SMAD3: variants seen among roughly 807,000 people sequenced by gnomAD.
SMAD3 encodes SMAD family member 3.
A neutral mutation model predicts 51.8 loss-of-function variants in SMAD3; 12 were observed. The observed-to-expected ratio is 0.23, with a 90% CI of 0.15 to 0.38. The LOEUF (loss-of-function observed/expected upper bound fraction) is 0.38. SMAD3 is among the 10% of genes least tolerant of loss of function. SMAD3 has a pLI of 1.00. For missense variants in SMAD3, 294 were observed against 565.6 expected (o/e 0.52, Z 4.87); for synonymous variants, 238 against 227.7 (o/e 1.05, Z -0.41).
At chr15:67,120,276 G>T (rs775508386) in intron 1 of SMAD3, among the ~76,000 whole-genome samples, 1 of 152,210 alleles carries the variant, frequency 6.6e-6, no homozygotes, top group Non-Finnish European at 1.5e-5. Context: ...AACGTGATGT[G>T]GGGAACAGAG....
Position 67,165,146 on chromosome 15 carries a change from C to T in SMAD3, c.400+58C>T, listed in dbSNP as rs1410588564. The stretch of plus-strand genomic sequence containing the variant: ...GGTGCCAGGGGTCATCACCTCTCCC[C>T]GGCTCCCCATCCCCCCGAGGGTCTG... On this transcript the variant is annotated intron_variant, in intron 2 of 8. Coordinates refer to ENST00000327367, the MANE Select transcript of SMAD3 (RefSeq NM_005902.4). 9 of 1,610,736 alleles carry T rather than the reference C, an allele frequency of 5.6e-6. No homozygotes were observed. The Admixed American group carries it at 6.7e-5, about 12-fold the overall frequency.
intron 1 of SMAD3, among the ~76,000 whole-genome samples, chr15:67,084,167 C>T (rs996825579): frequency 5.5e-5 from 8 of 145,964 alleles, no homozygotes; most frequent in African/African-American, 1.5e-4. Flanking sequence ...GCTCTGCCTC[C>T]GGGGTTCATG....
intron 8 of SMAD3, among the ~76,000 whole-genome samples, chr15:67,188,634 C>T (rs1963285508): frequency 6.6e-6 from 1 of 152,274 alleles, no homozygotes; most frequent in Non-Finnish European, 1.5e-5. Flanking sequence ...CCGCCAGCTC[C>T]TGCGGCAGAT....
intron 1 of SMAD3, among the ~76,000 whole-genome samples, chr15:67,090,961 G>A (rs537851072): frequency 2.6e-5 from 4 of 152,290 alleles, no homozygotes; most frequent in South Asian, 2.1e-4. Flanking sequence ...CTTGAGCTCC[G>A]AGGAGGAAAC....
At chr15:67,159,194 C>T (rs1962362172) in intron 1 of SMAD3, among the ~76,000 whole-genome samples, 1 of 151,986 alleles carries the variant, frequency 6.6e-6, no homozygotes, top group Admixed American at 6.6e-5. Context: ...TCTCAGCCTC[C>T]CGAGTTGCTG....
chr15:67,114,187 C>A (rs904089949), intron 1 of SMAD3, among the ~76,000 whole-genome samples: 1 of 152,188 alleles, frequency 6.6e-6, no homozygotes, highest in African/African-American at 2.4e-5. Context: ...GTGGAACCCA[C>A]CCGCCTTCCC....
chr15:67,140,757 G>A (rs571330011), intron 1 of SMAD3, among the ~76,000 whole-genome samples: 3 of 152,312 alleles, frequency 2.0e-5, no homozygotes, highest in African/African-American at 4.8e-5. Flanking sequence ...AAGGAGTGAC[G>A]CCTTCCCCTT....
At chr15:67,183,029 A>ATTTTTTTTTTTT (rs1567000858) in intron 6 of SMAD3, among the ~76,000 whole-genome samples, 2 of 48,112 alleles carry the variant, frequency 4.2e-5, no homozygotes, top group African/African-American at 2.0e-4. Context: ...ATATATATAT[A>ATTTTTTTTTTTT]TATTTTTTTT....
Position 67,112,923 on chromosome 15 carries a change from G to T in SMAD3, c.206+46563G>T, listed in dbSNP as rs1182511614. 4.6e-5 allele frequency among the ~76,000 whole-genome samples: 6 copies of T among 130,038 alleles called. 2 individuals are homozygous for T. In the East Asian group the frequency reaches 1.8e-3, roughly 38 times the overall value. The allele number at this position is 130,038 out of a possible 152,430, so 85.3% of individuals were successfully genotyped here. On this transcript the variant is annotated intron_variant, in intron 1 of 8. Transcript: ENST00000327367. ...GTGCTTTCCCCAGTGAATTGTCTTG[G>T]CACCCTTGTAGAAAATCATTTGACT... is the stretch of plus-strand genomic sequence containing the variant.
intron 1 of SMAD3, among the ~76,000 whole-genome samples, chr15:67,071,880 G>A (rs945195208): frequency 6.6e-6 from 1 of 152,162 alleles, no homozygotes; most frequent in Admixed American, 6.5e-5. Context: ...CAAAGCTTCG[G>A]TGTGACCTAG....
Position 67,191,433 on chromosome 15 carries a change from A to G in SMAD3, c.*897A>G, listed in dbSNP as rs1433481701. ...CTGGGTGCGTCTCCAGTCATCTGTA[A>G]GAGCTTGCTCCAGATTCTGATGCAT... is the stretch of plus-strand genomic sequence containing the variant. On this transcript the variant is annotated 3_prime_UTR_variant, in exon 9 of 9. Transcript: ENST00000327367. 4.3e-6 allele frequency: 1 copy of G among 233,464 alleles called. No individual in the cohort carries two copies. Among genetic ancestry groups the G allele is most frequent in the East Asian group, 6.0e-5 (1 of 16,734 alleles). 14.5% of individuals were successfully genotyped at this position (233,464 alleles called of 1,614,324 possible).
rs374446121 is a variant in SMAD3 at position 67,096,627 on chromosome 15, A to G, written c.206+30267A>G. 3.5e-3 allele frequency among the ~76,000 whole-genome samples: 527 copies of G among 152,084 alleles called. 3 individuals carry two copies. The highest frequency in any genetic ancestry group is 0.012 in the African/African-American group (499 of 41,398). On this transcript the variant is annotated intron_variant, in intron 1 of 8. Coordinates refer to ENST00000327367, the MANE Select transcript of SMAD3 (RefSeq NM_005902.4). ...AAGAGAAAAAGCTTTCTATTTTAGT[A>G]CCATGATTGATACTTTTTTTTTTTT...
intron 5 of SMAD3, among the ~76,000 whole-genome samples, chr15:67,177,952 C>T (rs1030418532): frequency 1.3e-5 from 2 of 152,136 alleles, no homozygotes; most frequent in Admixed American, 6.5e-5. Context: ...GGCTCAGTCC[C>T]GCTTCTGAAC....
chr15:67,152,165 G>A (rs1458613551), intron 1 of SMAD3, among the ~76,000 whole-genome samples: 1 of 151,966 alleles, frequency 6.6e-6, no homozygotes, highest in Non-Finnish European at 1.5e-5. Flanking sequence ...TCAGCCTCTA[G>A]TATCTTCTAT....
intron 1 of SMAD3, chr15:67,146,954 G>A (rs1961991624): frequency 6.6e-6 from 1 of 152,138 alleles, no homozygotes; most frequent in South Asian, 2.1e-4. Flanking sequence ...CCTTTGGCGG[G>A]GTGAGAAGAG....
At chr15:67,116,468 G>A (rs376826760) in intron 1 of SMAD3, among the ~76,000 whole-genome samples, 12 of 152,210 alleles carry the variant, frequency 7.9e-5, no homozygotes, top group South Asian at 2.1e-4. Flanking sequence ...CAGGGATAAC[G>A]GTGGCGCCCA....
At chr15:67,175,409 G>A (rs1236249100) in intron 5 of SMAD3, among the ~76,000 whole-genome samples, 4 of 152,118 alleles carry the variant, frequency 2.6e-5, no homozygotes, top group African/African-American at 4.8e-5. Flanking sequence ...AAAGGTGGTC[G>A]TTTGCTGTGA....
chr15:67,082,381 G>A (rs1960297064), intron 1 of SMAD3, among the ~76,000 whole-genome samples: 1 of 152,180 alleles, frequency 6.6e-6, no homozygotes. Context: ...TTATTTTCCT[G>A]TTGACAAAAT....
intron 1 of SMAD3, among the ~76,000 whole-genome samples, chr15:67,103,723 A>G (rs532118517): frequency 1.3e-5 from 2 of 152,320 alleles, no homozygotes; most frequent in African/African-American, 4.8e-5. Context: ...ACATAGCACA[A>G]CAAGGAGCTG....
Sources: gnomAD v4.1 joint callset for allele counts (sites outside exome capture counted in the v4.1 genomes callset) on GRCh38, gnomAD v4.1.1 for gene constraint, MANE v1.5 for transcripts, NCBI Gene and HGNC (gene_info 2026-07-23, HGNC 2026-07-21) for gene names.